The following PABPC4L variants were observed in gnomAD, a reference collection of about 807,000 sequenced individuals.
The protein encoded by PABPC4L is polyadenylate-binding protein 4-like.
For synonymous variants in PABPC4L, 169 were observed against 164.1 expected (o/e 1.03, Z -0.23); for missense variants, 452 against 451.4 (o/e 1.00, Z -0.01).
chr4:133,986,457 T>C, the PABPC4L span, among the ~76,000 whole-genome samples: 1 of 151,536 alleles, frequency 6.6e-6, no homozygotes, highest in Non-Finnish European at 1.5e-5. Flanking sequence ...TTGTTTGCAT[T>C]TTTTTCCCTA....
the PABPC4L span, among the ~76,000 whole-genome samples, chr4:134,052,691 T>A: frequency 1.3e-5 from 2 of 151,802 alleles, no homozygotes; most frequent in African/African-American, 4.8e-5. Context: ...AATTGTCATC[T>A]CCAATTTAAA....
At chr4:133,953,618 G>A in the PABPC4L span, among the ~76,000 whole-genome samples, 4 of 152,082 alleles carry the variant, frequency 2.6e-5, no homozygotes, top group Admixed American at 6.5e-5. Flanking sequence ...AAGACATTTC[G>A]TGTCCTAGAA....
At chr4:134,102,353 T>A in the PABPC4L span, among the ~76,000 whole-genome samples, 1 of 151,550 alleles carries the variant, frequency 6.6e-6, no homozygotes, top group African/African-American at 2.4e-5. Flanking sequence ...AAAACTGATT[T>A]ATGGAGAAGA....
At chr4:134,127,387 C>A in the PABPC4L span, among the ~76,000 whole-genome samples, 72 of 152,074 alleles carry the variant, frequency 4.7e-4, no homozygotes, top group Non-Finnish European at 7.6e-4. Flanking sequence ...TGAGGACCCT[C>A]ACAGAGTCCA....
chr4:134,189,638 G>C, the PABPC4L span, among the ~76,000 whole-genome samples: 2 of 152,012 alleles, frequency 1.3e-5, no homozygotes, highest in Admixed American at 6.6e-5. Context: ...CTTTAGTAAT[G>C]TAAGTGGTAA....
At chr4:134,108,158 G>A in the PABPC4L span, among the ~76,000 whole-genome samples, 1 of 151,262 alleles carries the variant, frequency 6.6e-6, no homozygotes, top group Non-Finnish European at 1.5e-5. Context: ...TACAGAAAAA[G>A]GTACATATGC....
chr4:134,165,033 G>T, the PABPC4L span, among the ~76,000 whole-genome samples: 1 of 152,108 alleles, frequency 6.6e-6, no homozygotes, highest in Non-Finnish European at 1.5e-5. Context: ...ACTGGGGAAA[G>T]GACTCCCTGT....
the PABPC4L span, among the ~76,000 whole-genome samples, chr4:134,004,532 A>G: frequency 6.6e-6 from 1 of 151,932 alleles, no homozygotes; most frequent in Non-Finnish European, 1.5e-5. Flanking sequence ...TGGGAGTGTA[A>G]AGTAGTACAG....
the PABPC4L span, among the ~76,000 whole-genome samples, chr4:134,112,616 A>ATC: frequency 7.4e-5 from 11 of 149,582 alleles, no homozygotes; most frequent in South Asian, 2.1e-4. Flanking sequence ...CTATCTATCT[A>ATC]TATATCTATC....
the PABPC4L span, among the ~76,000 whole-genome samples, chr4:134,187,089 T>C: frequency 6.6e-6 from 1 of 152,132 alleles, no homozygotes; most frequent in African/African-American, 2.4e-5. Flanking sequence ...TTTTACACTG[T>C]CGGTGGGACT....
At chr4:134,154,895 A>G in the PABPC4L span, among the ~76,000 whole-genome samples, 3 of 152,244 alleles carry the variant, frequency 2.0e-5, no homozygotes, top group Admixed American at 2.0e-4. Context: ...GATTACATTC[A>G]TGATATTAAT....
the PABPC4L span, among the ~76,000 whole-genome samples, chr4:133,989,061 T>C: frequency 6.6e-6 from 1 of 152,116 alleles, no homozygotes; most frequent in Non-Finnish European, 1.5e-5. Context: ...CACCATGTCC[T>C]GAAGATGCAC....
the PABPC4L span, among the ~76,000 whole-genome samples, chr4:134,039,205 C>T: frequency 2.9e-3 from 448 of 152,002 alleles, 4 homozygotes; most frequent in African/African-American, 9.9e-3. Context: ...TTATGATTTC[C>T]ATTCTTTTGC....
At chr4:133,999,430 T>A in the PABPC4L span, among the ~76,000 whole-genome samples, 1 of 152,106 alleles carries the variant, frequency 6.6e-6, no homozygotes, top group South Asian at 2.1e-4. Flanking sequence ...ATTATTGTGT[T>A]GTTTGCTTGC....
chr4:133,997,641 A>G, the PABPC4L span, among the ~76,000 whole-genome samples: 1 of 152,184 alleles, frequency 6.6e-6, no homozygotes, highest in Non-Finnish European at 1.5e-5. Flanking sequence ...GGAGGAGATC[A>G]ACATAAAAAC....
the PABPC4L span, among the ~76,000 whole-genome samples, chr4:133,970,544 T>G: frequency 6.6e-6 from 1 of 152,346 alleles, no homozygotes; most frequent in Admixed American, 6.5e-5. Context: ...TTAAAAATGT[T>G]ATTTTTCCCT....
chr4:134,026,737 C>T, the PABPC4L span, among the ~76,000 whole-genome samples: 73 of 152,222 alleles, frequency 4.8e-4, no homozygotes, highest in East Asian at 0.012. Context: ...TTAGCGTGAG[C>T]TCCAGTCCAA....
At chr4:134,003,499 G>A in the PABPC4L span, among the ~76,000 whole-genome samples, 1 of 151,320 alleles carries the variant, frequency 6.6e-6, no homozygotes, top group African/African-American at 2.4e-5. Flanking sequence ...CTTTCATGTG[G>A]GATTTTGTAA....
chr4:133,974,733 A>C, the PABPC4L span, among the ~76,000 whole-genome samples: 1 of 152,266 alleles, frequency 6.6e-6, no homozygotes, highest in Non-Finnish European at 1.5e-5. Context: ...GTCTCTCCAA[A>C]GGATGTGTAC....
Sources: allele counts gnomAD v4.1 joint callset (sites outside exome capture counted in the v4.1 genomes callset), GRCh38; gene constraint gnomAD v4.1.1; transcripts MANE v1.5; gene names NCBI Gene and HGNC (gene_info 2026-07-23, HGNC 2026-07-21).